The following CDIN1 variants were observed in gnomAD, a reference collection of about 807,000 sequenced individuals.
CDIN1 encodes CDAN1-interacting nuclease 1.
A neutral mutation model predicts 45.3 loss-of-function variants in CDIN1; 33 were observed. The observed-to-expected ratio is 0.73, with a 90% CI of 0.55 to 0.97. CDIN1 has a LOEUF of 0.97. Among genes scored for constraint, CDIN1 ranks in the 50% least tolerant of loss-of-function variants. The pLI is 0.00. For missense variants in CDIN1, 303 were observed against 339.4 expected, an observed-to-expected ratio of 0.89 and a Z score of 0.84; for synonymous variants, 118 against 124.4, an observed-to-expected ratio of 0.95 and a Z score of 0.34.
At chr15:36,723,102 G>A (rs1643425756) in intron 10 of CDIN1, among the ~76,000 whole-genome samples, 1 of 151,628 alleles carries the variant, frequency 6.6e-6, no homozygotes. Context: ...TTGTGTTTTG[G>A]TCACCTTTTC....
At chr15:36,607,927 T>A (rs2038457602) in intron 1 of CDIN1, among the ~76,000 whole-genome samples, 1 of 152,224 alleles carries the variant, frequency 6.6e-6, no homozygotes, top group African/African-American at 2.4e-5. Context: ...TCTACCGATT[T>A]GCCTATCTGG....
chr15:36,638,227 G>A (rs1450770739), intron 1 of CDIN1, among the ~76,000 whole-genome samples: 4 of 152,020 alleles, frequency 2.6e-5, no homozygotes, highest in Non-Finnish European at 5.9e-5. Flanking sequence ...TGTGTATATA[G>A]ATACACACAA....
chr15:36,800,921 A>G (rs1434627805), intron 10 of CDIN1, among the ~76,000 whole-genome samples: 4 of 97,906 alleles, frequency 4.1e-5, no homozygotes, highest in South Asian at 6.8e-4. Flanking sequence ...ATATATATAT[A>G]TATATATATA....
chr15:36,609,809 T>C (rs1394850748), intron 1 of CDIN1, among the ~76,000 whole-genome samples: 1 of 152,216 alleles, frequency 6.6e-6, no homozygotes, highest in African/African-American at 2.4e-5. Flanking sequence ...TCCATGTGGA[T>C]AGAAAGAGCT....
At chr15:36,603,429 T>G (rs11073184) in intron 1 of CDIN1, among the ~76,000 whole-genome samples, 34,947 of 152,128 alleles carry the variant, frequency 0.23, 4,356 homozygotes, top group Admixed American at 0.34. Flanking sequence ...AAGCATTTCT[T>G]ATTTGCTTAG....
intron 10 of CDIN1, among the ~76,000 whole-genome samples, chr15:36,804,867 G>C (rs563838660): frequency 4.0e-5 from 6 of 151,404 alleles, no homozygotes; most frequent in Admixed American, 2.0e-4. Flanking sequence ...TGGAGACGGG[G>C]TTTCACCATG....
At chr15:36,746,669 CCA>C (rs34320677) in intron 10 of CDIN1, among the ~76,000 whole-genome samples, 36,379 of 141,238 alleles carry the variant, frequency 0.26, 4,715 homozygotes, top group East Asian at 0.4. Context: ...ATATATGGTT[CCA>C]CACACACACA....
rs114661069 is a variant in CDIN1, at chr15:36,753,267, C to T, written c.716+43306C>T. On this transcript the variant is annotated intron_variant, in intron 10 of 10. Transcript: ENST00000566621. ...CTGGTGGTGTCTGCCAAGTGCTCAG[C>T]GCTAGTTCACAGGCAGCAAATTTAG... 4.2e-3 allele frequency among the ~76,000 whole-genome samples: 645 copies of T among 152,196 alleles called. 4 individuals carry two copies. The highest frequency in any genetic ancestry group is 0.015 in the African/African-American group (620 of 41,518).
intron 10 of CDIN1, among the ~76,000 whole-genome samples, chr15:36,727,854 C>T (rs1392456398): frequency 2.6e-5 from 4 of 152,094 alleles, no homozygotes; most frequent in South Asian, 2.1e-4. Flanking sequence ...AAGTAGGACA[C>T]GTAATACTTT....
At position 36,602,858 on chromosome 15, in the gene CDIN1, G is replaced by A. The variant is rs548024666; in HGVS notation, c.101+22897G>A. Reference sequence around the variant, plus strand: ...AAAAAATGAGCCAGGCGTGGTGGCAGGCACCTGTAGTCCCAGCTACTTGGG... The same window carrying A: ...AAAAAATGAGCCAGGCGTGGTGGCAAGCACCTGTAGTCCCAGCTACTTGGG... On this transcript the variant is annotated intron_variant, in intron 1 of 10. Transcript: ENST00000566621. Among the ~76,000 whole-genome samples the A allele has an allele frequency of 7.9e-5, 12 of 152,246 alleles. No individual in the cohort carries two copies. In the South Asian group the frequency reaches 2.1e-3, roughly 26 times the overall value.
intron 10 of CDIN1, among the ~76,000 whole-genome samples, chr15:36,743,764 A>G (rs927228443): frequency 2.6e-5 from 4 of 151,800 alleles, no homozygotes; most frequent in Non-Finnish European, 1.5e-5. Flanking sequence ...TGATATGCGC[A>G]TGTGGTCCTG....
At chr15:36,780,736 G>T (rs1310731098) in intron 10 of CDIN1, among the ~76,000 whole-genome samples, 1 of 152,076 alleles carries the variant, frequency 6.6e-6, no homozygotes, top group Non-Finnish European at 1.5e-5. Context: ...TAATAACTGT[G>T]CAATAGAGTA....
At chr15:36,648,584 A>C (rs1442292192) in intron 3 of CDIN1, 1 of 151,940 alleles carries the variant, frequency 6.6e-6, no homozygotes, top group African/African-American at 2.4e-5. Context: ...GGCGCCTGCC[A>C]CCACACTCGG....
At chr15:36,771,203 AG>A (rs1838001063) in intron 10 of CDIN1, among the ~76,000 whole-genome samples, 1 of 152,076 alleles carries the variant, frequency 6.6e-6, no homozygotes, top group Non-Finnish European at 1.5e-5. Flanking sequence ...GTATACCCCA[AG>A]GGTGGAGGGC....
chr15:36,683,229 T>G (rs1290830796), intron 5 of CDIN1, among the ~76,000 whole-genome samples: 1 of 150,886 alleles, frequency 6.6e-6, no homozygotes, highest in Non-Finnish European at 1.5e-5. Context: ...TTTAAGTCTT[T>G]AATCCATCTT....
Position 36,699,829 on chromosome 15 carries a change from G to A in CDIN1, c.544+2439G>A, listed in dbSNP as rs540104458. Among the ~76,000 whole-genome samples, 20 of 152,276 alleles carry A rather than the reference G, an allele frequency of 1.3e-4. No homozygotes were observed. In the South Asian group the frequency reaches 3.9e-3, roughly 30 times the overall value. On this transcript the variant is annotated intron_variant, in intron 8 of 10. Transcript: ENST00000566621. ...CCAGGAACTATAGGAAAGAAAAACA[G>A]AAGTGTTCTTATCATTGAAGATTTG...
At chr15:36,780,085 C>G (rs1310920155) in intron 10 of CDIN1, among the ~76,000 whole-genome samples, 1 of 149,918 alleles carries the variant, frequency 6.7e-6, no homozygotes, top group East Asian at 1.9e-4. Flanking sequence ...TTCCTGTGCA[C>G]TGAAGCACCC....
intron 10 of CDIN1, among the ~76,000 whole-genome samples, chr15:36,750,726 T>C (rs1004573044): frequency 6.6e-6 from 1 of 152,162 alleles, no homozygotes; most frequent in African/African-American, 2.4e-5. Flanking sequence ...GAAAAATATC[T>C]TCCCATTTTA....
intron 10 of CDIN1, among the ~76,000 whole-genome samples, chr15:36,746,306 A>G (rs1254904620): frequency 6.6e-6 from 1 of 152,194 alleles, no homozygotes; most frequent in Non-Finnish European, 1.5e-5. Flanking sequence ...AAGGAGGCCA[A>G]GTGGGAAGTT....
Sources: gnomAD v4.1 joint callset for allele counts (sites outside exome capture counted in the v4.1 genomes callset) on GRCh38, gnomAD v4.1.1 for gene constraint, MANE v1.5 for transcripts, NCBI Gene and HGNC (gene_info 2026-07-23, HGNC 2026-07-21) for gene names.